CX3CR1: variants seen among roughly 807,000 people sequenced by gnomAD.
CX3CR1 encodes C-X3-C motif chemokine receptor 1.
For synonymous variants in CX3CR1, 168 were observed against 178.5 expected, an observed-to-expected ratio of 0.94 and a Z score of 0.47; for missense variants, 363 against 432.4, an observed-to-expected ratio of 0.84 and a Z score of 1.42.
At chr3:39,283,900 C>G (rs1332541849), upstream of CX3CR1, among the ~76,000 whole-genome samples, 1 of 138,652 alleles carries the variant, frequency 7.2e-6, no homozygotes, top group Non-Finnish European at 1.5e-5. Flanking sequence ...TTTACAAGCA[C>G]AACAGGGGCA....
chr3:39,286,113 T>C (rs1482530672), upstream of CX3CR1: 1 of 152,248 alleles, frequency 6.6e-6, no homozygotes, highest in Non-Finnish European at 1.5e-5. Flanking sequence ...ACATGTGGCA[T>C]TGTATGACTA....
In CX3CR1 at chr3:39,266,433, A is replaced by G. The variant is rs376491318; in HGVS notation, c.77T>C (p.Ile26Thr). ...DLAEACYIGD[I>T]VVFGTVFLSI... ...CAGGAACACAGTCCCAAAGACCACG[A>G]TGTCCCCAATATAACAGGCCTCAGC... The change falls in exon 2 of 2, where the codon ATC (isoleucine) becomes ACC (threonine). Residue 26 changes from isoleucine (I) to threonine (T), a missense_variant. Ile to Thr is a moderately conservative substitution (Grantham distance 89). Transcript: ENST00000399220. 5.0e-6 allele frequency: 8 copies of G among 1,614,108 alleles called. No homozygotes were observed. The highest frequency in any genetic ancestry group is 6.8e-6 in the Non-Finnish European group (8 of 1,180,048).
intron 1 of CX3CR1, among the ~76,000 whole-genome samples, chr3:39,273,918 T>C (rs1423563991): frequency 1.3e-5 from 2 of 152,152 alleles, no homozygotes; most frequent in Non-Finnish European, 2.9e-5. Flanking sequence ...GTGTGAGCCA[T>C]CATGCCTGGC....
At chr3:39,283,798 T>A (rs1276173400), upstream of CX3CR1, among the ~76,000 whole-genome samples, 339 of 28,696 alleles carry the variant, frequency 0.012, 8 homozygotes, top group African/African-American at 0.06. Context: ...AAAAAAATTA[T>A]ATATATATAT....
At chr3:39,267,702 G>A (rs930073819) in intron 1 of CX3CR1, among the ~76,000 whole-genome samples, 2 of 152,340 alleles carry the variant, frequency 1.3e-5, no homozygotes, top group Non-Finnish European at 1.5e-5. Flanking sequence ...ATGGGGCTCC[G>A]TTAGTCTGCT....
At chr3:39,281,616 G>A (rs2040900154), upstream of CX3CR1, 1 of 1,598,884 alleles carries the variant, frequency 6.3e-7, no homozygotes, top group Non-Finnish European at 8.5e-7. Context: ...TACCCCACTG[G>A]CCATTCTCCA....
At chr3:39,281,698 T>G, upstream of CX3CR1, 3 of 1,597,142 alleles carry the variant, frequency 1.9e-6, no homozygotes, top group Non-Finnish European at 2.5e-6. Flanking sequence ...TCTCTCATCC[T>G]GGTTTAAGTC....
At chr3:39,288,490 C>G in the CX3CR1 span, among the ~76,000 whole-genome samples, 1 of 152,206 alleles carries the variant, frequency 6.6e-6, no homozygotes. Flanking sequence ...GCCTCTATCC[C>G]CTGAGCTCTG....
intron 1 of CX3CR1, among the ~76,000 whole-genome samples, chr3:39,274,487 A>AAG (rs1459465093): frequency 6.6e-6 from 1 of 150,722 alleles, no homozygotes; most frequent in South Asian, 2.1e-4. Flanking sequence ...CCACCAAAAA[A>AAG]AAAAAAAAAA....
At chr3:39,281,869 G>C, upstream of CX3CR1, 1 of 591,684 alleles carries the variant, frequency 1.7e-6, no homozygotes, top group Non-Finnish European at 3.0e-6. Flanking sequence ...TAAAGCTAAC[G>C]GCTATGTTCC....
chr3:39,286,691 A>G (rs1363195559), upstream of CX3CR1: 6 of 146,590 alleles, frequency 4.1e-5, no homozygotes, highest in African/African-American at 1.5e-4. Flanking sequence ...CTATAATTGG[A>G]CCACAAATGA....
upstream of CX3CR1, chr3:39,281,799 G>A: frequency 1.1e-6 from 1 of 870,132 alleles, no homozygotes; most frequent in Middle Eastern, 2.7e-4. Context: ...CCCGTGGCAG[G>A]CTCTCTTCCC....
Position 39,266,120 on chromosome 3 carries a change from G to A in CX3CR1, c.390C>T (p.Ala130=), listed in dbSNP as rs749497367. 2 of 1,614,118 alleles carry A rather than the reference G, an allele frequency of 1.2e-6. No individual in the cohort carries two copies. Among genetic ancestry groups the A allele is most frequent in the Admixed American group, 3.3e-5 (2 of 60,008 alleles). ...TCATGGAGTTGGCGGCCAGGACGAT[G>A]GCCAGGTACCTATCAATGCTGATGA... ...ITVISIDRYL[A]IVLAANSMNN... is the part of the protein sequence containing the mutation. The change falls in exon 2 of 2, where the codon GCC becomes GCT. Residue 130 remains alanine, a synonymous_variant. Transcript: ENST00000399220.
At chr3:39,271,730 T>G (rs946511433) in intron 1 of CX3CR1, among the ~76,000 whole-genome samples, 2 of 152,346 alleles carry the variant, frequency 1.3e-5, no homozygotes, top group East Asian at 3.9e-4. Context: ...CCCCAGAGCA[T>G]GTGAAGGCAC....
chr3:39,271,442 A>G (rs1390541127), intron 1 of CX3CR1, among the ~76,000 whole-genome samples: 2 of 152,244 alleles, frequency 1.3e-5, no homozygotes, highest in African/African-American at 2.4e-5. Flanking sequence ...GCTCTATAAT[A>G]TGGAGCCCCA....
upstream of CX3CR1, among the ~76,000 whole-genome samples, chr3:39,282,051 G>A (rs62244246): frequency 0.024 from 3,659 of 152,288 alleles, 70 homozygotes; most frequent in Non-Finnish European, 0.035. Flanking sequence ...TGGGTAACGT[G>A]CCATTTTATA....
At chr3:39,270,931 T>C (rs1488724286) in intron 1 of CX3CR1, among the ~76,000 whole-genome samples, 1 of 152,186 alleles carries the variant, frequency 6.6e-6, no homozygotes, top group Non-Finnish European at 1.5e-5. Context: ...TATAAAAGGA[T>C]CATCTCTATT....
chr3:39,281,133 TG>T, upstream of CX3CR1: 3 of 999,980 alleles, frequency 3.0e-6, no homozygotes, highest in Non-Finnish European at 3.6e-6. Flanking sequence ...AGGACAGAGC[TG>T]GGGGCTGCAG....
chr3:39,288,257 A>G, the CX3CR1 span, among the ~76,000 whole-genome samples: 6 of 152,222 alleles, frequency 3.9e-5, no homozygotes, highest in African/African-American at 1.4e-4. Context: ...TACACAAGCA[A>G]TGCATCTCCA....
Sources: gnomAD v4.1 joint callset for allele counts (sites outside exome capture counted in the v4.1 genomes callset) on GRCh38, gnomAD v4.1.1 for gene constraint, MANE v1.5 for transcripts, NCBI Gene and HGNC (gene_info 2026-07-23, HGNC 2026-07-21) for gene names.